The following SYNE2 variants were observed in gnomAD, a reference collection of about 807,000 sequenced individuals.
SYNE2 encodes nesprin-2.
A neutral mutation model predicts 856.3 loss-of-function variants in SYNE2; 431 were observed. The ratio of observed to expected loss-of-function variants is 0.50; its 90% CI spans 0.47 to 0.55. The LOEUF (loss-of-function observed/expected upper bound fraction) is 0.55, where lower values mean the gene tolerates loss of function less well. SYNE2 is among the 20% of genes least tolerant of loss of function. The probability of loss-of-function intolerance (pLI) is 0.00; values close to 1 mark genes in which losing one functional copy is unlikely to be tolerated. For synonymous variants in SYNE2, 2,923 were observed against 2,872.3 expected, an observed-to-expected ratio of 1.02 and a Z score of -0.56; for missense variants, 8,129 against 8,023.2, an observed-to-expected ratio of 1.01 and a Z score of -0.50.
intron 97 of SYNE2, 57 bp from the exon 98 acceptor site, chr14:64,188,493 A>G (rs2098502562): frequency 6.2e-7 from 1 of 1,602,682 alleles, no homozygotes; most frequent in South Asian, 1.1e-5. Flanking sequence ...TGAGGGAGAG[A>G]AGGGGGTGCT....
intron 99 of SYNE2, among the ~76,000 whole-genome samples, chr14:64,201,418 T>C (rs1176728647): frequency 6.6e-6 from 1 of 152,192 alleles, no homozygotes; most frequent in Admixed American, 6.5e-5. Context: ...TGGGAGGTGC[T>C]GTGAGTGCGG....
chr14:63,803,881 G>A (rs1230145764), intron 1 of SYNE2, among the ~76,000 whole-genome samples: 3 of 152,198 alleles, frequency 2.0e-5, no homozygotes, highest in Admixed American at 1.3e-4. Flanking sequence ...TGTGTTGAGG[G>A]AGAGATCTGG....
chr14:63,830,669 A>G (rs996222184), intron 1 of SYNE2, among the ~76,000 whole-genome samples: 1 of 151,906 alleles, frequency 6.6e-6, no homozygotes, highest in Non-Finnish European at 1.5e-5. Flanking sequence ...TCAAAAAAAA[A>G]TTTTAATTAA....
chr14:64,210,769 A>G (rs1232243039), intron 103 of SYNE2, among the ~76,000 whole-genome samples: 1 of 152,206 alleles, frequency 6.6e-6, no homozygotes, highest in Non-Finnish European at 1.5e-5. Flanking sequence ...GTCTGTTCTC[A>G]GGGCAGAGCA....
intron 1 of SYNE2, among the ~76,000 whole-genome samples, chr14:63,779,867 G>A (rs968825701): frequency 1.3e-5 from 2 of 152,124 alleles, no homozygotes; most frequent in East Asian, 1.9e-4. Context: ...GAGCAGGGGC[G>A]GAGATGGGCA....
intron 1 of SYNE2, among the ~76,000 whole-genome samples, chr14:63,770,651 G>C (rs1886865959): frequency 6.6e-6 from 1 of 151,936 alleles, no homozygotes. Flanking sequence ...ATAAAGAAAA[G>C]GGGTGGCACA....
chr14:64,172,168 C>T (rs1198754814), intron 94 of SYNE2, among the ~76,000 whole-genome samples: 2 of 152,168 alleles, frequency 1.3e-5, no homozygotes, highest in Non-Finnish European at 2.9e-5. Context: ...TTTTAAAGAT[C>T]ACTCTGGCTG....
intron 1 of SYNE2, among the ~76,000 whole-genome samples, chr14:63,888,234 A>C (rs1270047681): frequency 6.6e-6 from 1 of 152,182 alleles, no homozygotes; most frequent in Non-Finnish European, 1.5e-5. Context: ...CCAGTCCAGG[A>C]GTGATTCTAC....
chr14:64,188,799 G>T, intron 98 of SYNE2, 91 bp downstream of exon 98: 4 of 1,354,848 alleles, frequency 3.0e-6, no homozygotes, highest in Non-Finnish European at 3.1e-6. Context: ...GCAATGTTAC[G>T]GGTGTTTCCA....
chr14:64,028,106 T>C (rs1426653667), intron 43 of SYNE2, among the ~76,000 whole-genome samples: 2 of 151,708 alleles, frequency 1.3e-5, no homozygotes, highest in African/African-American at 4.8e-5. Context: ...GGTTTTGCCA[T>C]GTTGCCCAGG....
intron 1 of SYNE2, among the ~76,000 whole-genome samples, chr14:63,845,233 T>C (rs1595167679): frequency 6.6e-6 from 1 of 152,154 alleles, no homozygotes; most frequent in South Asian, 2.1e-4. Flanking sequence ...CTGGCCAAAA[T>C]GGTGAAACCT....
intron 14 of SYNE2, 103 bp from the exon 15 acceptor site, chr14:63,980,551 T>C (rs990587705): frequency 2.7e-6 from 2 of 749,374 alleles, no homozygotes; most frequent in Non-Finnish European, 4.6e-6. Flanking sequence ...TAAAGAAATT[T>C]GGTAACTCTG....
At chr14:63,983,278 C>G (rs1044481005) in intron 17 of SYNE2, among the ~76,000 whole-genome samples, 1 of 152,190 alleles carries the variant, frequency 6.6e-6, no homozygotes, top group Non-Finnish European at 1.5e-5. Flanking sequence ...AACAATGCAG[C>G]TGTGGACATT....
At chr14:63,827,890 C>A (rs1168555226) in intron 1 of SYNE2, among the ~76,000 whole-genome samples, 1 of 151,638 alleles carries the variant, frequency 6.6e-6, no homozygotes, top group Non-Finnish European at 1.5e-5. Context: ...TTTCAATTAA[C>A]AGCAGATTGA....
rs2097296403 is a variant in SYNE2 at position 64,059,142 on chromosome 14, C to T, written c.10067+2876C>T. Among the ~76,000 whole-genome samples the T allele has an allele frequency of 2.0e-5, 3 of 152,128 alleles. No homozygotes were observed. In the South Asian group the frequency reaches 6.2e-4, roughly 31 times the overall value. On this transcript the variant is annotated intron_variant, in intron 49 of 115. Coordinates refer to ENST00000555002, the MANE Select transcript of SYNE2 (RefSeq NM_182914.3). The stretch of plus-strand genomic sequence containing the variant: ...TCTCTGTCTGAAAGGTCACATATTT[C>T]TCTCTCTGAAATTGGTTCCTGGTGA...
At chr14:63,979,840 G>A (rs370916385) in intron 14 of SYNE2, among the ~76,000 whole-genome samples, 1 of 152,146 alleles carries the variant, frequency 6.6e-6, no homozygotes, top group South Asian at 2.1e-4. Context: ...GGTGGAGGTT[G>A]CAGTTAGCCA....
chr14:63,901,699 G>A (rs1363577981), intron 1 of SYNE2, among the ~76,000 whole-genome samples: 1 of 152,202 alleles, frequency 6.6e-6, no homozygotes, highest in East Asian at 1.9e-4. Context: ...TGAGGCAGGA[G>A]GATGGCTTCA....
At chr14:64,215,664 C>A in intron 107 of SYNE2, 2 of 493,642 alleles carry the variant, frequency 4.1e-6, no homozygotes, top group South Asian at 2.5e-5. Flanking sequence ...TGGCATGGGC[C>A]AAGCTTTCTT....
chr14:63,890,053 C>CTTTTTTT (rs71123813), intron 1 of SYNE2, among the ~76,000 whole-genome samples: 3 of 94,998 alleles, frequency 3.2e-5, no homozygotes, highest in African/African-American at 1.3e-4. Flanking sequence ...TTCTTTCTTT[C>CTTTTTTT]TTTTTTTTTT....
Sources: allele counts gnomAD v4.1 joint callset (sites outside exome capture counted in the v4.1 genomes callset), GRCh38; gene constraint gnomAD v4.1.1; transcripts MANE v1.5; gene names NCBI Gene and HGNC (gene_info 2026-07-23, HGNC 2026-07-21).